The following CCNYL1 variants were observed in gnomAD, a reference collection of about 807,000 sequenced individuals.
The protein encoded by CCNYL1 is cyclin Y like 1, also known as cyclin-Y-like protein 1.
In CCNYL1, 16 loss-of-function variants were observed where a neutral mutation model predicts 44.2. The ratio of observed to expected loss-of-function variants is 0.36; its 90% CI spans 0.25 to 0.55. The LOEUF is 0.55. Among genes scored for constraint, CCNYL1 ranks in the 20% least tolerant of loss-of-function variants. The probability of loss-of-function intolerance (pLI) is 0.85; values close to 1 mark genes in which losing one functional copy is unlikely to be tolerated. For synonymous variants in CCNYL1, 159 were observed against 163.2 expected, an observed-to-expected ratio of 0.97 and a Z score of 0.20; for missense variants, 348 against 451.8, an observed-to-expected ratio of 0.77 and a Z score of 2.08.
At chr2:207,745,218 C>G (rs575946520) in intron 7 of CCNYL1, among the ~76,000 whole-genome samples, 1 of 152,060 alleles carries the variant, frequency 6.6e-6, no homozygotes, top group African/African-American at 2.4e-5. Flanking sequence ...AAAGGAAACA[C>G]GTTGGGGAAA....
At chr2:207,730,520 G>A (rs570549646) in intron 3 of CCNYL1, among the ~76,000 whole-genome samples, 1 of 152,312 alleles carries the variant, frequency 6.6e-6, no homozygotes, top group Non-Finnish European at 1.5e-5. Flanking sequence ...CACTTTGGGA[G>A]GCTGAGGCGG....
At chr2:207,751,476 T>C (rs2091889944) in intron 9 of CCNYL1, among the ~76,000 whole-genome samples, 1 of 152,186 alleles carries the variant, frequency 6.6e-6, no homozygotes, top group Admixed American at 6.5e-5. Flanking sequence ...TCCCAGCACT[T>C]TGGGAGGCTG....
At chr2:207,712,967 C>T (rs941016704) in intron 1 of CCNYL1, among the ~76,000 whole-genome samples, 1 of 152,186 alleles carries the variant, frequency 6.6e-6, no homozygotes, top group African/African-American at 2.4e-5. Flanking sequence ...AGGCGTGCGC[C>T]ACCACGCCCA....
At chr2:207,741,539 C>T (rs1471226979) in intron 6 of CCNYL1, among the ~76,000 whole-genome samples, 1 of 152,182 alleles carries the variant, frequency 6.6e-6, no homozygotes, top group Non-Finnish European at 1.5e-5. Flanking sequence ...AACGTCAACA[C>T]TGCTGGTCTT....
chr2:207,712,159 G>T, intron 1 of CCNYL1, 43 bp downstream of exon 1: 6 of 1,535,370 alleles, frequency 3.9e-6, no homozygotes, highest in Non-Finnish European at 5.3e-6. Context: ...GCTCACCTCT[G>T]CCCGCCTCCT....
At chr2:207,749,096 A>C (rs941549628) in intron 8 of CCNYL1, among the ~76,000 whole-genome samples, 2 of 152,206 alleles carry the variant, frequency 1.3e-5, no homozygotes, top group Non-Finnish European at 2.9e-5. Flanking sequence ...GGAAATGTGC[A>C]GGTTTCTACA....
chr2:207,723,774 C>T (rs1049266799), intron 1 of CCNYL1, among the ~76,000 whole-genome samples: 1 of 148,992 alleles, frequency 6.7e-6, no homozygotes, highest in African/African-American at 2.5e-5. Context: ...ATTTGGGATA[C>T]TGAGGCAGGA....
In CCNYL1 at chr2:207,713,310, T is replaced by C. The variant is rs559009126; in HGVS notation, c.220+1194T>C. ...AATTTAGACTTAATTTATAATGTAATGGTTTGGAAGTTAAAATGCTAGACC... is the reference window on the plus strand; with the variant it reads ...AATTTAGACTTAATTTATAATGTAACGGTTTGGAAGTTAAAATGCTAGACC... On this transcript the variant is annotated intron_variant, in intron 1 of 9. Coordinates refer to ENST00000295414, the MANE Select transcript of CCNYL1 (RefSeq NM_001330218.2). Among the ~76,000 whole-genome samples the C allele has an allele frequency of 1.5e-3, 231 of 152,264 alleles. 1 individual carries two copies. Among genetic ancestry groups the C allele is most frequent in the African/African-American group, 5.4e-3 (224 of 41,548 alleles).
chr2:207,717,805 G>C (rs2091608299), intron 1 of CCNYL1, among the ~76,000 whole-genome samples: 1 of 152,142 alleles, frequency 6.6e-6, no homozygotes, highest in Non-Finnish European at 1.5e-5. Context: ...GACTATGGTG[G>C]GTTAAGGCCA....
chr2:207,730,550 G>C (rs371311245), intron 3 of CCNYL1, among the ~76,000 whole-genome samples: 54 of 152,284 alleles, frequency 3.5e-4, no homozygotes, highest in African/African-American at 1.3e-3. Flanking sequence ...TTGAGGTCAG[G>C]AGTTCCAGAC....
chr2:207,744,823 T>C (rs533964316), intron 7 of CCNYL1, among the ~76,000 whole-genome samples: 1 of 152,074 alleles, frequency 6.6e-6, no homozygotes, highest in Non-Finnish European at 1.5e-5. Flanking sequence ...GCAACGAGGG[T>C]GATACAGGTG....
At chr2:207,733,750 C>T (rs1402615105) in intron 3 of CCNYL1, among the ~76,000 whole-genome samples, 197 bp from the exon 4 acceptor site, 1 of 152,166 alleles carries the variant, frequency 6.6e-6, no homozygotes, top group African/African-American at 2.4e-5. Context: ...ATTTCATAAC[C>T]CATTCCTCAA....
At chr2:207,746,701 C>T (rs938306819) in intron 7 of CCNYL1, among the ~76,000 whole-genome samples, 6 of 152,204 alleles carry the variant, frequency 3.9e-5, no homozygotes, top group African/African-American at 1.2e-4. Flanking sequence ...ATTTCGGGGC[C>T]GGGCGCGGTG....
chr2:207,719,348 T>A (rs548532103), intron 1 of CCNYL1, among the ~76,000 whole-genome samples: 1 of 148,364 alleles, frequency 6.7e-6, no homozygotes, highest in Non-Finnish European at 1.5e-5. Context: ...TTGCCCAGGC[T>A]GGAGTACAGT....
intron 3 of CCNYL1, among the ~76,000 whole-genome samples, chr2:207,730,832 A>G (rs942777145): frequency 6.6e-6 from 1 of 152,176 alleles, no homozygotes; most frequent in South Asian, 2.1e-4. Context: ...TCTGCTGTCA[A>G]TCCTGTTGCC....
intron 8 of CCNYL1, among the ~76,000 whole-genome samples, chr2:207,749,708 T>C (rs933713288): frequency 2.6e-5 from 4 of 152,214 alleles, no homozygotes; most frequent in African/African-American, 9.6e-5. Flanking sequence ...CAAAACATTA[T>C]CTGATTTACA....
intron 1 of CCNYL1, among the ~76,000 whole-genome samples, chr2:207,717,581 G>A (rs1336952620): frequency 6.6e-6 from 1 of 152,202 alleles, no homozygotes; most frequent in Non-Finnish European, 1.5e-5. Context: ...GAGGAGGACA[G>A]TTACATGGGG....
chr2:207,751,321 T>A (rs1165340189), intron 9 of CCNYL1, among the ~76,000 whole-genome samples: 2 of 152,250 alleles, frequency 1.3e-5, no homozygotes, highest in Non-Finnish European at 2.9e-5. Context: ...AAATTATACA[T>A]ATTAACTCTT....
At chr2:207,719,367 C>G (rs1219295192) in intron 1 of CCNYL1, among the ~76,000 whole-genome samples, 3 of 146,162 alleles carry the variant, frequency 2.1e-5, no homozygotes, top group Non-Finnish European at 3.0e-5. Context: ...GTGGCACGAG[C>G]TCAGCTCACT....
Sources: allele counts gnomAD v4.1 joint callset (sites outside exome capture counted in the v4.1 genomes callset), GRCh38; gene constraint gnomAD v4.1.1; transcripts MANE v1.5; gene names NCBI Gene and HGNC (gene_info 2026-07-23, HGNC 2026-07-21).